KCNK5: variants seen among roughly 807,000 people sequenced by gnomAD.
The protein encoded by KCNK5 is potassium two pore domain channel subfamily K member 5.
KCNK5 carries 18 observed loss-of-function variants against 32.9 expected under a neutral mutation model. The observed-to-expected ratio is 0.55, with a 90% CI of 0.38 to 0.81. The LOEUF (loss-of-function observed/expected upper bound fraction) is 0.81, where lower values mean the gene tolerates loss of function less well. Among genes scored for constraint, KCNK5 ranks in the 30% least tolerant of loss-of-function variants. KCNK5 has a pLI of 0.00. For missense variants in KCNK5, 507 were observed against 651.0 expected (o/e 0.78, Z 2.41); for synonymous variants, 276 against 275.3 (o/e 1.00, Z -0.03).
chr6:39,227,050 C>T (rs1344046341), intron 1 of KCNK5, among the ~76,000 whole-genome samples: 1 of 152,118 alleles, frequency 6.6e-6, no homozygotes, highest in Non-Finnish European at 1.5e-5. Context: ...CCTTAAGAAG[C>T]CGTCTAGCCT....
At chr6:39,221,098 C>T (rs1339663483) in intron 1 of KCNK5, among the ~76,000 whole-genome samples, 1 of 152,180 alleles carries the variant, frequency 6.6e-6, no homozygotes, top group Non-Finnish European at 1.5e-5. Flanking sequence ...TTCAAAACCT[C>T]ATCCTTCCAC....
chr6:39,224,378 C>G (rs901538892), intron 1 of KCNK5, among the ~76,000 whole-genome samples: 6 of 152,182 alleles, frequency 3.9e-5, no homozygotes, highest in African/African-American at 1.4e-4. Context: ...TATATTAACC[C>G]TCAACTTTCC....
At chr6:39,204,756 C>T (rs1367406467) in intron 1 of KCNK5, among the ~76,000 whole-genome samples, 4 of 152,226 alleles carry the variant, frequency 2.6e-5, no homozygotes, top group South Asian at 2.1e-4. Context: ...GACATTAGCA[C>T]GGGGCAGGCT....
chr6:39,223,784 G>T (rs1771602001), intron 1 of KCNK5, among the ~76,000 whole-genome samples: 1 of 152,290 alleles, frequency 6.6e-6, no homozygotes, highest in East Asian at 1.9e-4. Flanking sequence ...TTGGCCCGAG[G>T]TCAGGGCCAG....
chr6:39,226,323 C>T (rs951879986), intron 1 of KCNK5, among the ~76,000 whole-genome samples: 10 of 152,154 alleles, frequency 6.6e-5, no homozygotes, highest in African/African-American at 2.4e-4. Context: ...CCCAGGCTGG[C>T]GGGTCACTGA....
chr6:39,190,968 G>T lies in KCNK5; in HGVS notation c.1422C>A (p.Ser474Arg). Residue 474 changes from serine to arginine, a missense_variant, in exon 5 of 5, where the codon AGC (serine) becomes AGA (arginine). This residue lies in a region of KCNK5 where 252 missense variants were observed against 250.8 expected (regional missense o/e 1.00). Coordinates refer to ENST00000359534, the MANE Select transcript of KCNK5 (RefSeq NM_003740.4). Reference sequence around the variant, plus strand: ...AAGGCACAGAGAGCTCAGACTCAGTGCTGGTGAAGGTGGACTCGGAGGAGG... The same window carrying T: ...AAGGCACAGAGAGCTCAGACTCAGTTCTGGTGAAGGTGGACTCGGAGGAGG... ...FPSSSESTFTSTESELSVPYE... is the reference protein window; with the variant it reads ...FPSSSESTFTRTESELSVPYE... 1 of 1,541,842 alleles carries T rather than the reference G, an allele frequency of 6.5e-7. No homozygotes were observed. The highest frequency in any genetic ancestry group is 2.0e-5 in the Admixed American group (1 of 49,658).
Position 39,195,896 on chromosome 6 carries a change from G to A in KCNK5, c.278C>T (p.Ala93Val). The A allele has an allele frequency of 1.2e-6, 2 of 1,613,554 alleles. No individual in the cohort carries two copies. Among genetic ancestry groups the A allele is most frequent in the Non-Finnish European group, 1.7e-6 (2 of 1,179,632 alleles). Residue 93 changes from alanine to valine, a missense_variant, in exon 2 of 5, where the codon GCG becomes GTG. By Grantham distance (64) the Ala-to-Val change is moderately conservative. Coordinates refer to ENST00000359534, the MANE Select transcript of KCNK5 (RefSeq NM_003740.4). ...WNWPNAMIFA[A>V]TVITTIGYGN... Reference sequence around the variant, plus strand: ...CTTACCAATGGTGGTAATGACGGTCGCTGCAAAAATCATTGCATTGGGCCA... The same window carrying A: ...CTTACCAATGGTGGTAATGACGGTCACTGCAAAAATCATTGCATTGGGCCA...
chr6:39,217,778 G>A (rs1161451395), intron 1 of KCNK5, among the ~76,000 whole-genome samples: 4 of 152,222 alleles, frequency 2.6e-5, no homozygotes, highest in Non-Finnish European at 5.9e-5. Flanking sequence ...GCAGACGCAG[G>A]AGGAGCAAAG....
At chr6:39,218,639 G>A (rs1427458553) in intron 1 of KCNK5, among the ~76,000 whole-genome samples, 1 of 152,218 alleles carries the variant, frequency 6.6e-6, no homozygotes, top group East Asian at 1.9e-4. Context: ...GTAAGGGCAG[G>A]TTGGGATGCA....
intron 1 of KCNK5, among the ~76,000 whole-genome samples, chr6:39,212,654 G>A (rs1385186754): frequency 2.0e-5 from 3 of 152,204 alleles, no homozygotes; most frequent in African/African-American, 7.2e-5. Context: ...GGCCTCTGCA[G>A]GACTCCCCTC....
intron 1 of KCNK5, among the ~76,000 whole-genome samples, chr6:39,219,411 T>C (rs1456311873): frequency 6.6e-6 from 1 of 152,152 alleles, no homozygotes; most frequent in Non-Finnish European, 1.5e-5. Context: ...TTTCAGATGA[T>C]GCAATGTGCT....
intron 4 of KCNK5, among the ~76,000 whole-genome samples, chr6:39,192,002 C>T (rs1232384067): frequency 3.3e-5 from 5 of 152,018 alleles, no homozygotes; most frequent in South Asian, 2.1e-4. Context: ...CAACTAGAAA[C>T]GTCAAGACAG....
intron 1 of KCNK5, among the ~76,000 whole-genome samples, chr6:39,226,374 G>A (rs1050653736): frequency 1.3e-5 from 2 of 152,180 alleles, no homozygotes; most frequent in Non-Finnish European, 2.9e-5. Context: ...AACCACAGCG[G>A]AGGGAAGGAA....
intron 1 of KCNK5, among the ~76,000 whole-genome samples, chr6:39,215,790 C>T (rs559091632): frequency 2.6e-5 from 4 of 152,288 alleles, no homozygotes; most frequent in South Asian, 4.1e-4. Flanking sequence ...ATCTCCCTTA[C>T]GTGATTCCTC....
At chr6:39,215,264 CA>C (rs1418600524) in intron 1 of KCNK5, among the ~76,000 whole-genome samples, 1 of 152,184 alleles carries the variant, frequency 6.6e-6, no homozygotes, top group Non-Finnish European at 1.5e-5. Flanking sequence ...TGCCTCGGCT[CA>C]CCCCACTTCG....
At position 39,195,997 on chromosome 6, in the gene KCNK5, G is replaced by A; in HGVS notation, c.187-10C>T. 1 of 1,603,380 alleles carries A rather than the reference G, an allele frequency of 6.2e-7. No homozygotes were observed. The highest frequency in any genetic ancestry group is 8.5e-7 in the Non-Finnish European group (1 of 1,171,892). The stretch of plus-strand genomic sequence containing the variant: ...CAGCATCAGATACCACCTAAAATGA[G>A]AAACAGTAAAGGTCAGAGCTGAGGC... On this transcript the variant is annotated splice_polypyrimidine_tract_variant and intron_variant, in intron 1 of 4. Transcript: ENST00000359534.
At position 39,190,375 on chromosome 6, in the gene KCNK5, G is replaced by C. The variant is rs1745491930; in HGVS notation, c.*515C>G. Reference sequence around the variant, plus strand: ...AGTAGGTGCCCGACCTGACCGGCAGGCCCACAGCTGGGATGCGGGCGGGCC... The same window carrying C: ...AGTAGGTGCCCGACCTGACCGGCAGCCCCACAGCTGGGATGCGGGCGGGCC... On this transcript the variant is annotated 3_prime_UTR_variant, in exon 5 of 5. Coordinates refer to ENST00000359534, the MANE Select transcript of KCNK5 (RefSeq NM_003740.4). 1 of 152,788 alleles carries C rather than the reference G, an allele frequency of 6.5e-6. No homozygotes were observed. Among genetic ancestry groups the C allele is most frequent in the African/African-American group, 2.4e-5 (1 of 41,442 alleles). The allele number at this position is 152,788 out of a possible 1,614,324, so 9.5% of individuals were successfully genotyped here.
chr6:39,216,406 G>A (rs564199068), intron 1 of KCNK5, among the ~76,000 whole-genome samples: 1 of 152,232 alleles, frequency 6.6e-6, no homozygotes, highest in Non-Finnish European at 1.5e-5. Flanking sequence ...CAGCAAAGGG[G>A]CCAGCTAACA....
At position 39,191,335 on chromosome 6, in the gene KCNK5, AC is replaced by A; in HGVS notation, c.1054del (p.Val352CysfsTer11). 1 of 1,613,774 alleles carries A rather than the reference AC, an allele frequency of 6.2e-7. No individual in the cohort carries two copies. Among genetic ancestry groups the A allele is most frequent in the Non-Finnish European group, 8.5e-7 (1 of 1,179,974 alleles). Reference protein sequence around the residue: ...VPLVVYSKNRVPTLEEVSQTL... With the variant: ...VPLVVYSKNRXPTLEEVSQTL... ...CTGTGACACCTCTTCCAAGGTGGGC[AC>A]CCGGTTCTTGGAGTAGACTACCAGG... On this transcript the variant is annotated frameshift_variant, in exon 5 of 5. Transcript: ENST00000359534. LOFTEE classifies it low-confidence loss of function (END_TRUNC). This position sits in a 1 kb window ranked among gnomAD's most constrained non-coding sequence, Gnocchi z 5.8.
Sources: allele counts gnomAD v4.1 joint callset (sites outside exome capture counted in the v4.1 genomes callset), GRCh38; gene constraint gnomAD v4.1.1; regional missense constraint gnomAD v4.1.1; non-coding constraint Gnocchi (gnomAD v3.1); transcripts MANE v1.5; gene names NCBI Gene and HGNC (gene_info 2026-07-23, HGNC 2026-07-21).